The following FGF13 variants were observed in gnomAD, a reference collection of about 807,000 sequenced individuals.
FGF13 encodes fibroblast growth factor 13.
Under a neutral mutation model 19.5 loss-of-function variants are expected in FGF13, and 2 were observed. The ratio of observed to expected loss-of-function variants is 0.10; its 90% CI spans 0.04 to 0.32. The LOEUF is 0.32. FGF13 is among the 10% of genes least tolerant of loss of function. The pLI is 1.00. For missense variants in FGF13, 113 were observed against 192.7 expected, an observed-to-expected ratio of 0.59 and a Z score of 2.45; for synonymous variants, 72 against 76.9, an observed-to-expected ratio of 0.94 and a Z score of 0.33.
rs145368619 is a variant in FGF13, at chrX:139,025,931, G to A, written c.-112-161281C>T. ...AGACCTCTCTTCTACATCTGACAAT[G>A]TTGAACACTTCCTCCTCCTTTGCAT... is the stretch of plus-strand genomic sequence containing the variant. On this transcript the variant is annotated intron_variant, in intron 1 of 2. Transcript: ENST00000421460. Among the ~76,000 whole-genome samples the A allele has an allele frequency of 9.4e-3, 1,041 of 110,915 alleles. 10 individuals carry two copies. The highest frequency in any genetic ancestry group is 0.032 in the African/African-American group (969 of 30,502).
chrX:139,192,476 G>A (rs924795993), intron 1 of FGF13, among the ~76,000 whole-genome samples: 1 of 110,477 alleles, frequency 9.1e-6, no homozygotes, highest in African/African-American at 3.4e-5. Context: ...TCAGCGGGAG[G>A]GTTTTTGTTT....
At chrX:138,846,185 T>TTGTGTGTGTG (rs200911113) in intron 3 of FGF13, among the ~76,000 whole-genome samples, 2,806 of 96,569 alleles carry the variant, frequency 0.029, 57 homozygotes, top group South Asian at 0.04. Flanking sequence ...ATGTGTCCAT[T>TTGTGTGTGTG]TGTGTGTGTG....
intron 1 of FGF13, among the ~76,000 whole-genome samples, chrX:138,932,494 G>A (rs1300667477): frequency 2.0e-5 from 2 of 98,589 alleles, no homozygotes; most frequent in Non-Finnish European, 4.1e-5. Flanking sequence ...TGGCAGAGTC[G>A]CTTGAACCCG....
rs762413948 is a variant in FGF13 at position 138,844,344 on chromosome X, A to C, written c.217+13168T>G. Among the ~76,000 whole-genome samples, 5 of 112,305 alleles carry C rather than the reference A, an allele frequency of 4.5e-5. No homozygotes were observed. In the East Asian group the frequency reaches 1.4e-3, roughly 32 times the overall value. On this transcript the variant is annotated intron_variant, in intron 3 of 6. Transcript: ENST00000436198. ...TAAATTGGTCTTGCCAAAGCCTTAA[A>C]CTTTACAGGCATTATAGAGAAGAAA...
chrX:138,746,258 C>T (rs2090355058), intron 3 of FGF13, among the ~76,000 whole-genome samples: 1 of 110,300 alleles, frequency 9.1e-6, no homozygotes, highest in African/African-American at 3.3e-5. Context: ...GTGACCTGGG[C>T]TGCAGAGTGG....
intron 3 of FGF13, among the ~76,000 whole-genome samples, chrX:138,793,227 C>T (rs2090755115): frequency 9.0e-6 from 1 of 111,573 alleles, no homozygotes; most frequent in African/African-American, 3.3e-5. Context: ...TTCTTGCCTC[C>T]AGAAACTCAA....
intron 1 of FGF13, among the ~76,000 whole-genome samples, chrX:139,008,771 G>T (rs2092115862): frequency 9.0e-6 from 1 of 111,568 alleles, no homozygotes; most frequent in African/African-American, 3.3e-5. Flanking sequence ...AAACAATTCT[G>T]GTAATATGAC....
At chrX:138,670,531 A>T (rs2089600138) in intron 3 of FGF13, among the ~76,000 whole-genome samples, 1 of 112,060 alleles carries the variant, frequency 8.9e-6, no homozygotes, top group Non-Finnish European at 1.9e-5. Context: ...ATTTATTGAC[A>T]TAGAAATACA....
intron 1 of FGF13, among the ~76,000 whole-genome samples, chrX:138,907,973 G>A (rs974779829): frequency 9.0e-6 from 1 of 110,990 alleles, no homozygotes; most frequent in African/African-American, 3.3e-5. Flanking sequence ...CAGAAAGAGA[G>A]GTATTTGCTA....
At chrX:138,905,213 A>G (rs2091551534) in intron 1 of FGF13, among the ~76,000 whole-genome samples, 1 of 111,617 alleles carries the variant, frequency 9.0e-6, no homozygotes, top group Admixed American at 9.6e-5. Context: ...CTGTTCTTTG[A>G]AAACAGAGCA....
At chrX:139,186,502 CAG>C (rs1325173104) in intron 1 of FGF13, among the ~76,000 whole-genome samples, 1 of 111,796 alleles carries the variant, frequency 8.9e-6, no homozygotes, top group East Asian at 2.8e-4. Context: ...CCTAGCCAGA[CAG>C]AGTTTTTAAA....
At chrX:138,971,753 T>C (rs1164579514) in intron 1 of FGF13, among the ~76,000 whole-genome samples, 2 of 111,540 alleles carry the variant, frequency 1.8e-5, no homozygotes, top group Non-Finnish European at 3.8e-5. Context: ...TTTTGAAGTA[T>C]ACAATACATT....
chrX:138,997,609 A>G (rs893025928), intron 1 of FGF13, among the ~76,000 whole-genome samples: 2 of 111,926 alleles, frequency 1.8e-5, no homozygotes, highest in Non-Finnish European at 3.8e-5. Context: ...TGAATGAAAT[A>G]AAGCGAGAAG....
chrX:139,078,604 G>A (rs1346108978), intron 1 of FGF13, among the ~76,000 whole-genome samples: 3 of 112,615 alleles, frequency 2.7e-5, no homozygotes, highest in African/African-American at 9.7e-5. Flanking sequence ...CATTTGAATT[G>A]GAAAAGTAAA....
intron 1 of FGF13, among the ~76,000 whole-genome samples, chrX:139,001,624 C>G (rs1909974458): frequency 8.9e-6 from 1 of 111,825 alleles, no homozygotes; most frequent in Non-Finnish European, 1.9e-5. Context: ...AAATACAAAT[C>G]AAATCCACAA....
chrX:138,820,315 G>A (rs1053273852), intron 3 of FGF13, among the ~76,000 whole-genome samples: 16 of 111,492 alleles, frequency 1.4e-4, no homozygotes, highest in East Asian at 2.8e-4. Flanking sequence ...TCTATTGTTC[G>A]ATTCCACAAA....
intron 3 of FGF13, among the ~76,000 whole-genome samples, chrX:138,747,717 G>T (rs141825576): frequency 5.7e-4 from 64 of 111,375 alleles, no homozygotes; most frequent in Non-Finnish European, 8.9e-4. Flanking sequence ...CCTCTCAAAG[G>T]TCTTAATCTC....
intron 1 of FGF13, among the ~76,000 whole-genome samples, chrX:138,954,406 C>A (rs1396797357): frequency 9.0e-6 from 1 of 111,473 alleles, no homozygotes; most frequent in African/African-American, 3.3e-5. Context: ...CCATTTTCAT[C>A]CCTGTTCAAC....
chrX:138,715,422 C>G (rs1366518063), upstream of FGF13, among the ~76,000 whole-genome samples: 1 of 112,437 alleles, frequency 8.9e-6, no homozygotes, highest in African/African-American at 3.2e-5. Flanking sequence ...AAAGTTCCCT[C>G]GCCAATGTTT....
Sources: gnomAD v4.1 joint callset for allele counts (sites outside exome capture counted in the v4.1 genomes callset) on GRCh38, gnomAD v4.1.1 for gene constraint, MANE v1.5 for transcripts, NCBI Gene and HGNC (gene_info 2026-07-23, HGNC 2026-07-21) for gene names.